Variants in DYNC2LI1 observed in about 807,000 individuals in gnomAD.
DYNC2LI1 encodes dynein cytoplasmic 2 light intermediate chain 1.
Under a neutral mutation model 51.9 loss-of-function variants are expected in DYNC2LI1, and 45 were observed. That is an observed-to-expected ratio of 0.87 (90% CI 0.68 to 1.11). The LOEUF is 1.11. DYNC2LI1 is among the 50% of genes most tolerant of loss of function. DYNC2LI1 has a pLI of 0.00. For missense variants in DYNC2LI1, 490 were observed against 417.4 expected (o/e 1.17, Z -1.51); for synonymous variants, 130 against 137.8 (o/e 0.94, Z 0.40).
At chr2:43,777,943 C>G (rs1303330905) in intron 2 of DYNC2LI1, among the ~76,000 whole-genome samples, 1 of 152,156 alleles carries the variant, frequency 6.6e-6, no homozygotes, top group Non-Finnish European at 1.5e-5. Flanking sequence ...CCCAATTATA[C>G]AAATACGTAA....
intron 4 of DYNC2LI1, 129 bp downstream of exon 4, chr2:43,787,379 C>A (rs1673574533): frequency 1.4e-6 from 1 of 702,288 alleles, no homozygotes; most frequent in African/African-American, 1.8e-5. Flanking sequence ...TAGCTGTCTA[C>A]CATTAAACTT....
At chr2:43,814,373 G>T, downstream of DYNC2LI1, 1 of 762,994 alleles carries the variant, frequency 1.3e-6, no homozygotes, top group South Asian at 1.6e-5. Flanking sequence ...GTTTTAAATT[G>T]AATTATTATA....
chr2:43,824,019 C>T, the DYNC2LI1 span: 7 of 1,614,076 alleles, frequency 4.3e-6, no homozygotes, highest in Non-Finnish European at 5.9e-6. Flanking sequence ...TGCTTCGGAC[C>T]CGCAGAACGA....
At chr2:43,826,184 G>T in the DYNC2LI1 span, among the ~76,000 whole-genome samples, 677 of 147,746 alleles carry the variant, frequency 4.6e-3, 3 homozygotes, top group African/African-American at 0.016. Context: ...TTTTTTTAGA[G>T]ATGGGGAGTC....
At chr2:43,804,765 G>A in intron 11 of DYNC2LI1, 26 bp downstream of exon 11, 1 of 1,499,254 alleles carries the variant, frequency 6.7e-7, no homozygotes, top group South Asian at 1.2e-5. Flanking sequence ...TTTTTTAAAA[G>A]CAAGACTTTT....
the DYNC2LI1 span, chr2:43,825,159 A>G: frequency 9.9e-7 from 1 of 1,014,938 alleles, no homozygotes; most frequent in East Asian, 2.8e-5. Context: ...ATTTCCCATA[A>G]GCAGTCAGTC....
chr2:43,814,458 C>A (rs1321565464), downstream of DYNC2LI1: 3 of 1,495,012 alleles, frequency 2.0e-6, no homozygotes, highest in Middle Eastern at 1.7e-4. Flanking sequence ...AAAATAATAT[C>A]CCCAAATAGA....
At chr2:43,788,814 T>G (rs1307382013) in intron 4 of DYNC2LI1, among the ~76,000 whole-genome samples, 1 of 152,146 alleles carries the variant, frequency 6.6e-6, no homozygotes, top group Non-Finnish European at 1.5e-5. Flanking sequence ...AAAAATTGTT[T>G]ATAGTGATGG....
chr2:43,787,283 C>T lies in DYNC2LI1; in HGVS notation c.231+33C>T, dbSNP rs200066988. ...TCTTTTAAAGTGACATTGCTATGCC[C>T]ATAGATGGGAAAGTAATGCTGCTGA... On this transcript the variant is annotated intron_variant, in intron 4 of 12. Coordinates refer to ENST00000260605, the MANE Select transcript of DYNC2LI1 (RefSeq NM_016008.4). 26 of 1,527,852 alleles carry T rather than the reference C, an allele frequency of 1.7e-5. No homozygotes were observed. In the African/African-American group the frequency reaches 2.9e-4, roughly 17 times the overall value. 94.6% of individuals were successfully genotyped at this position (1,527,852 alleles called of 1,614,324 possible). A position where few individuals can be genotyped will look rare whatever the true frequency, so the allele number is the denominator to read the frequency against.
chr2:43,812,070 G>A (rs549984922), downstream of DYNC2LI1, among the ~76,000 whole-genome samples: 9 of 151,352 alleles, frequency 5.9e-5, no homozygotes, highest in African/African-American at 2.2e-4. Flanking sequence ...TTAGAGACAG[G>A]GTCTTGCTCT....
At chr2:43,783,662 A>C in intron 3 of DYNC2LI1, 108 bp downstream of exon 3, 1 of 666,392 alleles carries the variant, frequency 1.5e-6, no homozygotes, top group Admixed American at 3.2e-5. Context: ...GACCCAAACA[A>C]AATATTTAAT....
At chr2:43,804,306 C>G (rs1480150284) in intron 10 of DYNC2LI1, among the ~76,000 whole-genome samples, 1 of 152,084 alleles carries the variant, frequency 6.6e-6, no homozygotes, top group African/African-American at 2.4e-5. Context: ...GTGTGAAATC[C>G]TTAATACAGT....
At chr2:43,800,410 T>C (rs1210241834) in intron 8 of DYNC2LI1, among the ~76,000 whole-genome samples, 1 of 152,198 alleles carries the variant, frequency 6.6e-6, no homozygotes, top group Non-Finnish European at 1.5e-5. Context: ...AATACGCCCT[T>C]GGATGTGAAA....
chr2:43,820,540 T>C, the DYNC2LI1 span, among the ~76,000 whole-genome samples: 8 of 152,186 alleles, frequency 5.3e-5, no homozygotes, highest in African/African-American at 1.9e-4. Context: ...TTATATGGGA[T>C]TATTGCCTAC....
chr2:43,807,743 C>CAAAAAAAAA (rs536977133), intron 12 of DYNC2LI1, among the ~76,000 whole-genome samples: 1 of 41,616 alleles, frequency 2.4e-5, no homozygotes, highest in African/African-American at 7.2e-5. Context: ...TTTGTTAAAG[C>CAAAAAAAAA]AAAAAAAAAA....
At chr2:43,817,143 C>T in the DYNC2LI1 span, among the ~76,000 whole-genome samples, 1 of 152,176 alleles carries the variant, frequency 6.6e-6, no homozygotes, top group African/African-American at 2.4e-5. Context: ...TAAGATTTTG[C>T]AACTAATCTG....
rs373621305 is a variant in DYNC2LI1 at position 43,800,926 on chromosome 2, A to G, written c.731+9A>G. On this transcript the variant is annotated intron_variant, in intron 9 of 12. Coordinates refer to ENST00000260605, the MANE Select transcript of DYNC2LI1 (RefSeq NM_016008.4). ...TTTGGCATTGACAAAAGGTACTGCT[A>G]AGATATTTTTTATATCATTTATTGA... 5.1e-6 allele frequency: 8 copies of G among 1,566,778 alleles called. No individual in the cohort carries two copies. The highest frequency in any genetic ancestry group is 1.7e-4 in the Middle Eastern group (1 of 5,938).
downstream of DYNC2LI1, chr2:43,810,076 T>C: frequency 1.6e-6 from 1 of 625,450 alleles, no homozygotes; most frequent in Non-Finnish European, 2.0e-6. Context: ...TTTAGGAATA[T>C]AAAAGTAAGA....
intron 11 of DYNC2LI1, 87 bp from the exon 12 acceptor site, chr2:43,805,067 G>T: frequency 1.2e-6 from 1 of 825,414 alleles, no homozygotes; most frequent in Non-Finnish European, 2.0e-6. Flanking sequence ...GGCAGGCTGA[G>T]GAATGGGAGC....
Sources: gnomAD v4.1 joint callset for allele counts (sites outside exome capture counted in the v4.1 genomes callset) on GRCh38, gnomAD v4.1.1 for gene constraint, MANE v1.5 for transcripts, NCBI Gene and HGNC (gene_info 2026-07-23, HGNC 2026-07-21) for gene names.